Variants in LRFN5 observed in about 807,000 individuals in gnomAD.
LRFN5 encodes leucine-rich repeat and fibronectin type-III domain-containing protein 5.
Under a neutral mutation model 45.6 loss-of-function variants are expected in LRFN5, and 24 were observed. That is an observed-to-expected ratio of 0.53 (90% CI 0.38 to 0.74). The LOEUF is 0.74. Among genes scored for constraint, LRFN5 ranks in the 30% least tolerant of loss-of-function variants. The pLI is 0.00. For missense variants in LRFN5, 776 were observed against 861.5 expected (o/e 0.90, Z 1.24); for synonymous variants, 340 against 313.8 (o/e 1.08, Z -0.88).
At chr14:41,782,643 C>A (rs926464751) in intron 2 of LRFN5, among the ~76,000 whole-genome samples, 1 of 152,068 alleles carries the variant, frequency 6.6e-6, no homozygotes, top group African/African-American at 2.4e-5. Flanking sequence ...AGTAAATAGG[C>A]CTTTACTTTG....
intron 2 of LRFN5, among the ~76,000 whole-genome samples, chr14:41,798,955 G>C (rs1302164408): frequency 6.6e-6 from 1 of 151,896 alleles, no homozygotes; most frequent in Admixed American, 6.6e-5. Context: ...TACTCTAGTT[G>C]AGGTTTTCTT....
intron 2 of LRFN5, among the ~76,000 whole-genome samples, chr14:41,846,020 A>G (rs1998554): frequency 0.11 from 15,985 of 151,314 alleles, 1,932 homozygotes; most frequent in East Asian, 0.46. Context: ...AGCCCCTTCC[A>G]TAACTGTTAT....
At chr14:41,748,017 A>T (rs766041957) in intron 1 of LRFN5, among the ~76,000 whole-genome samples, 12 of 152,032 alleles carry the variant, frequency 7.9e-5, no homozygotes, top group Non-Finnish European at 1.6e-4. Context: ...AAATAAGAAG[A>T]CTTGGAGAAG....
chr14:41,607,636 C>T lies in LRFN5; in HGVS notation c.-1123C>T, dbSNP rs891594867. ...TAACTCGGCGATGCCCCTTCATGCCCGGGTTCTTGCAGAGCTCTGAGGACG... is the reference window on the plus strand; with the variant it reads ...TAACTCGGCGATGCCCCTTCATGCCTGGGTTCTTGCAGAGCTCTGAGGACG... On this transcript the variant is annotated 5_prime_UTR_variant, in exon 1 of 6. Coordinates refer to ENST00000298119, the MANE Select transcript of LRFN5 (RefSeq NM_152447.5). The T allele has an allele frequency of 6.6e-6, 1 of 152,268 alleles. No individual in the cohort carries two copies. Among genetic ancestry groups the T allele is most frequent in the Non-Finnish European group, 1.5e-5 (1 of 68,132 alleles). 9.4% of individuals were successfully genotyped at this position (152,268 alleles called of 1,614,324 possible).
intron 2 of LRFN5, among the ~76,000 whole-genome samples, chr14:41,817,496 C>G (rs1344833714): frequency 6.6e-6 from 1 of 152,040 alleles, no homozygotes; most frequent in African/African-American, 2.4e-5. Flanking sequence ...CTGAGAGCTT[C>G]TCACATGCTT....
chr14:41,667,971 T>C (rs1566611321), intron 1 of LRFN5, among the ~76,000 whole-genome samples: 1 of 152,190 alleles, frequency 6.6e-6, no homozygotes, highest in East Asian at 1.9e-4. Flanking sequence ...TTACTATTCT[T>C]CATTTTGTTA....
chr14:41,738,221 A>C (rs1419101856), intron 1 of LRFN5, among the ~76,000 whole-genome samples: 5 of 152,276 alleles, frequency 3.3e-5, no homozygotes, highest in African/African-American at 1.2e-4. Context: ...CCTTTGACAA[A>C]CCTGACAAAA....
intron 1 of LRFN5, among the ~76,000 whole-genome samples, chr14:41,755,613 G>C (rs1427199398): frequency 1.3e-5 from 2 of 151,938 alleles, no homozygotes; most frequent in Non-Finnish European, 2.9e-5. Context: ...TTTTCCATTT[G>C]CTTGGTAGAT....
rs115970380 is a variant in LRFN5, at chr14:41,660,610, A to G, written c.-197+52048A>G. Among the ~76,000 whole-genome samples the G allele has an allele frequency of 2.6e-3, 392 of 152,150 alleles. 2 individuals carry two copies. The highest frequency in any genetic ancestry group is 9.0e-3 in the African/African-American group (374 of 41,530). On this transcript the variant is annotated intron_variant, in intron 1 of 5. Transcript: ENST00000298119. ...GAAACAGTTTGTCTGTTATTCGTGT[A>G]TATCTCAACAGCTTAAATATATCAG... is the stretch of plus-strand genomic sequence containing the variant.
At chr14:41,714,658 C>A (rs1883417168) in intron 1 of LRFN5, among the ~76,000 whole-genome samples, 1 of 152,114 alleles carries the variant, frequency 6.6e-6, no homozygotes, top group Non-Finnish European at 1.5e-5. Flanking sequence ...GTAATCTCAG[C>A]ACTTTGGGAG....
intron 1 of LRFN5, among the ~76,000 whole-genome samples, chr14:41,615,117 A>C (rs1887887385): frequency 6.6e-6 from 1 of 152,048 alleles, no homozygotes; most frequent in South Asian, 2.1e-4. Context: ...GCAACTTGTA[A>C]GTTCTCCTGA....
intron 2 of LRFN5, among the ~76,000 whole-genome samples, chr14:41,848,000 A>T (rs78670125): frequency 1.9e-3 from 287 of 152,290 alleles, no homozygotes; most frequent in African/African-American, 6.6e-3. Flanking sequence ...TGAAAACCTT[A>T]TTCAGTTTAC....
intron 1 of LRFN5, among the ~76,000 whole-genome samples, chr14:41,632,255 CT>C (rs1168081307): frequency 6.6e-6 from 1 of 152,158 alleles, no homozygotes. Flanking sequence ...AGTTTCTTTA[CT>C]ATGCTGTTAC....
chr14:41,764,907 A>G (rs988190242), intron 1 of LRFN5, among the ~76,000 whole-genome samples: 3 of 152,018 alleles, frequency 2.0e-5, no homozygotes, highest in South Asian at 2.1e-4. Flanking sequence ...TTATTTTTAT[A>G]ACAACAAAAT....
At chr14:41,805,717 G>C (rs774270875) in intron 2 of LRFN5, among the ~76,000 whole-genome samples, 1 of 151,856 alleles carries the variant, frequency 6.6e-6, no homozygotes, top group African/African-American at 2.4e-5. Context: ...GTAAACTATC[G>C]CAAGAACAAA....
At chr14:41,671,617 G>T (rs60118677) in intron 1 of LRFN5, among the ~76,000 whole-genome samples, 1,000 of 77,842 alleles carry the variant, frequency 0.013, 16 homozygotes, top group South Asian at 0.027. Flanking sequence ...TTTTTTTTTC[G>T]TTTTTTTTTT....
At chr14:41,898,114 C>T (rs1330581805) in intron 4 of LRFN5, among the ~76,000 whole-genome samples, 1 of 152,102 alleles carries the variant, frequency 6.6e-6, no homozygotes, top group Admixed American at 6.6e-5. Context: ...AATATTTGTG[C>T]TGAAAGTTTT....
intron 2 of LRFN5, among the ~76,000 whole-genome samples, chr14:41,846,057 A>ATG (rs35331451): frequency 0.33 from 49,708 of 151,980 alleles, 9,429 homozygotes; most frequent in Non-Finnish European, 0.43. Flanking sequence ...ACAGATGACC[A>ATG]TGTGTCTGGT....
At chr14:41,668,559 A>G (rs1172382142) in intron 1 of LRFN5, among the ~76,000 whole-genome samples, 1 of 152,164 alleles carries the variant, frequency 6.6e-6, no homozygotes, top group South Asian at 2.1e-4. Context: ...GCAGTTTCAA[A>G]CAACATCTGC....
Sources: allele counts gnomAD v4.1 joint callset (sites outside exome capture counted in the v4.1 genomes callset), GRCh38; gene constraint gnomAD v4.1.1; transcripts MANE v1.5; gene names NCBI Gene and HGNC (gene_info 2026-07-23, HGNC 2026-07-21).